The following CXCR2 variants were observed in gnomAD, a reference collection of about 807,000 sequenced individuals.
CXCR2 encodes the protein C-X-C motif chemokine receptor 2.
A neutral mutation model predicts 3.7 loss-of-function variants in CXCR2; 2 were observed. The ratio of observed to expected loss-of-function variants is 0.55; its 90% CI spans 0.22 to 1.72. The LOEUF (loss-of-function observed/expected upper bound fraction) is 1.72. Ranked by LOEUF, CXCR2 falls within the 40% of genes most tolerant of loss-of-function variation. The probability of loss-of-function intolerance (pLI) is 0.19; values close to 1 mark genes in which losing one functional copy is unlikely to be tolerated. For missense variants in CXCR2, 351 were observed against 450.1 expected (o/e 0.78, Z 1.99); for synonymous variants, 203 against 193.3 (o/e 1.05, Z -0.41).
intron 1 of CXCR2, among the ~76,000 whole-genome samples, chr2:218,127,975 A>G (rs1690549406): frequency 6.6e-6 from 1 of 152,250 alleles, no homozygotes; most frequent in Admixed American, 6.5e-5. Context: ...GAGAGGCAGC[A>G]TGTTATCAGT....
chr2:218,135,165 G>A lies in CXCR2; in HGVS notation c.364G>A (p.Val122Ile), dbSNP rs754536917. ...TTTTGGCACATTCCTGTGCAAGGTG[G>A]TCTCACTCCTGAAGGAAGTCAACTT... ...WIFGTFLCKV[V>I]SLLKEVNFYS... is the part of the protein sequence containing the mutation. The change falls in exon 3 of 3, where the codon GTC becomes ATC. Residue 122 changes from valine (V) to isoleucine (I), a missense_variant. Transcript: ENST00000318507. This position sits in a 1 kb window ranked among gnomAD's most constrained non-coding sequence, Gnocchi z 4.0. 2.2e-5 allele frequency: 35 copies of A among 1,614,090 alleles called. No homozygotes were observed. Among genetic ancestry groups the A allele is most frequent in the Non-Finnish European group, 2.6e-5 (31 of 1,180,040 alleles).
At chr2:218,131,720 C>T (rs2106103709) in intron 2 of CXCR2, among the ~76,000 whole-genome samples, 1 of 151,462 alleles carries the variant, frequency 6.6e-6, no homozygotes, top group African/African-American at 2.4e-5. Context: ...CCGCCCATCT[C>T]GGCCTCCCAA....
intron 2 of CXCR2, among the ~76,000 whole-genome samples, chr2:218,134,196 G>A (rs1690723423): frequency 6.6e-6 from 1 of 152,214 alleles, no homozygotes; most frequent in African/African-American, 2.4e-5. Context: ...GATCTTTTCT[G>A]AGGGTATAGC....
At chr2:218,133,393 G>A (rs1285312162) in intron 2 of CXCR2, among the ~76,000 whole-genome samples, 1 of 147,466 alleles carries the variant, frequency 6.8e-6, no homozygotes, top group Non-Finnish European at 1.5e-5. Context: ...TCCACCTCCT[G>A]GGTTCAAGCA....
chr2:218,134,916 T>C lies in CXCR2; in HGVS notation c.115T>C (p.Cys39Arg). 1.9e-6 allele frequency: 3 copies of C among 1,614,162 alleles called. No homozygotes were observed. Among genetic ancestry groups the C allele is most frequent in the Non-Finnish European group, 2.5e-6 (3 of 1,180,032 alleles). ...LPPFLLDAAP[C>R]EPESLEINKY... ...CCCTTTTCTACTAGATGCCGCCCCA[T>C]GTGAACCAGAATCCCTGGAAATCAA... is the stretch of plus-strand genomic sequence containing the variant. The change falls in exon 3 of 3, where the codon TGT becomes CGT. Residue 39 changes from cysteine (C) to arginine (R), a missense_variant. Cys to Arg is a radical substitution (Grantham distance 180). Transcript: ENST00000318507.
Position 218,135,642 on chromosome 2 carries a change from G to A in CXCR2, c.841G>A (p.Val281Met). 1 of 1,614,084 alleles carries A rather than the reference G, an allele frequency of 6.2e-7. No homozygotes were observed. ...LLADTLMRTQ[V>M]IQETCERRNH... ...GGCAGACACCCTCATGAGGACCCAG[G>A]TGATCCAGGAGACCTGTGAGCGCCG... Residue 281 changes from valine to methionine, a missense_variant, in exon 3 of 3, where the codon GTG (valine) becomes ATG (methionine). Val to Met is a conservative substitution (Grantham distance 21). Transcript: ENST00000318507. This position sits in a 1 kb window ranked among gnomAD's most constrained non-coding sequence, Gnocchi z 4.0.
In CXCR2 at chr2:218,126,273, T is replaced by C. The variant is rs915993663; in HGVS notation, c.-158T>C. ...TTCATCGTCAAGGTTGTTTCATCTT[T>C]TTTTTCCTGTCTAACAGCTCTGACT... On this transcript the variant is annotated 5_prime_UTR_variant, in exon 1 of 3. Coordinates refer to ENST00000318507, the MANE Select transcript of CXCR2 (RefSeq NM_001557.4). 7 of 152,406 alleles carry C rather than the reference T, an allele frequency of 4.6e-5. No homozygotes were observed. Among genetic ancestry groups the C allele is most frequent in the African/African-American group, 1.4e-4 (6 of 41,440 alleles). 9.4% of individuals were successfully genotyped at this position (152,406 alleles called of 1,614,324 possible).
Position 218,135,051 on chromosome 2 carries a change from G to A in CXCR2, c.250G>A (p.Asp84Asn), listed in dbSNP as rs1403964888. ...CAGCAGGGTCGGCCGCTCCGTCACT[G>A]ATGTCTACCTGCTGAACCTAGCCTT... The part of the protein sequence containing the change: ...LYSRVGRSVT[D>N]VYLLNLALAD... The change falls in exon 3 of 3, where the codon GAT becomes AAT. Residue 84 changes from aspartate to asparagine, a missense_variant. Coordinates refer to ENST00000318507, the MANE Select transcript of CXCR2 (RefSeq NM_001557.4). This position sits in a 1 kb window ranked among gnomAD's most constrained non-coding sequence, Gnocchi z 4.0. 1 of 1,614,222 alleles carries A rather than the reference G, an allele frequency of 6.2e-7. No homozygotes were observed. Among genetic ancestry groups the A allele is most frequent in the South Asian group, 1.1e-5 (1 of 91,082 alleles).
chr2:218,134,019 A>G (rs1298485915), intron 2 of CXCR2, among the ~76,000 whole-genome samples: 1 of 152,248 alleles, frequency 6.6e-6, no homozygotes, highest in African/African-American at 2.4e-5. Context: ...CCTTCTACCC[A>G]AAAGAGAAAC....
rs1254815707 is a variant in CXCR2 at position 218,136,865 on chromosome 2, A to C, written c.*981A>C. ...AGATAAATAGTTTATGATTCCACCT[A>C]CATGAGGTACTGAGAGTGAACAAAT... On this transcript the variant is annotated 3_prime_UTR_variant, in exon 3 of 3. Coordinates refer to ENST00000318507, the MANE Select transcript of CXCR2 (RefSeq NM_001557.4). The C allele has an allele frequency of 6.0e-6, 1 of 167,236 alleles. No homozygotes were observed. Among genetic ancestry groups the C allele is most frequent in the Non-Finnish European group, 1.5e-5 (1 of 68,136 alleles). 10.4% of individuals were successfully genotyped at this position (167,236 alleles called of 1,614,324 possible).
chr2:218,135,027 A>G lies in CXCR2; in HGVS notation c.226A>G (p.Ser76Gly). ...NSLVMLVILY[S>G]RVGRSVTDVY... ...CCTCGTGATGCTGGTCATCTTATAC[A>G]GCAGGGTCGGCCGCTCCGTCACTGA... Residue 76 changes from serine to glycine, a missense_variant, in exon 3 of 3, where the codon AGC (serine) becomes GGC (glycine). Ser to Gly is a moderately conservative substitution (Grantham distance 56, BLOSUM62 0). Coordinates refer to ENST00000318507, the MANE Select transcript of CXCR2 (RefSeq NM_001557.4). This position sits in a 1 kb window ranked among gnomAD's most constrained non-coding sequence, Gnocchi z 4.0. The G allele has an allele frequency of 6.2e-7, 1 of 1,614,198 alleles. No homozygotes were observed. The highest frequency in any genetic ancestry group is 8.5e-7 in the Non-Finnish European group (1 of 1,180,036).
intron 2 of CXCR2, among the ~76,000 whole-genome samples, chr2:218,131,315 G>A (rs766715881): frequency 1.3e-5 from 2 of 152,118 alleles, no homozygotes; most frequent in Non-Finnish European, 2.9e-5. Context: ...TGGGACTGAG[G>A]AGCTGGTGAC....
intron 2 of CXCR2, among the ~76,000 whole-genome samples, chr2:218,133,399 A>C (rs1163241880): frequency 6.8e-6 from 1 of 147,690 alleles, no homozygotes; most frequent in Admixed American, 7.0e-5. Context: ...TCCTGGGTTC[A>C]AGCAATTCTT....
chr2:218,126,555 C>T (rs1262188001), intron 1 of CXCR2, among the ~76,000 whole-genome samples: 1 of 152,204 alleles, frequency 6.6e-6, no homozygotes, highest in Non-Finnish European at 1.5e-5. Context: ...CCTGCCCTGC[C>T]CAGTATGGTA....
intron 2 of CXCR2, among the ~76,000 whole-genome samples, chr2:218,133,000 G>A (rs1690687037): frequency 6.6e-6 from 1 of 152,210 alleles, no homozygotes; most frequent in South Asian, 2.1e-4. Flanking sequence ...CACCTGCAAT[G>A]TGGGAGAGTT....
rs1247559357 is a variant in CXCR2 at position 218,135,428 on chromosome 2, G to A, written c.627G>A (p.Met209Ile). The change falls in exon 3 of 3, where the codon ATG (methionine) becomes ATA (isoleucine). Residue 209 changes from methionine (M) to isoleucine (I), a missense_variant. By Grantham distance (10) the Met-to-Ile change is conservative. Transcript: ENST00000318507. This position sits in a 1 kb window ranked among gnomAD's most constrained non-coding sequence, Gnocchi z 4.0. ...DMGNNTANWR[M>I]LLRILPQSFG... ...GCAACAATACAGCAAACTGGCGGAT[G>A]CTGTTACGGATCCTGCCCCAGTCCT... is the stretch of plus-strand genomic sequence containing the variant. 1 of 1,614,238 alleles carries A rather than the reference G, an allele frequency of 6.2e-7. No homozygotes were observed.
rs373547007 is a variant in CXCR2, at chr2:218,135,552, C to T, written c.751C>T (p.Arg251Trp). Residue 251 changes from arginine (R) to tryptophan (W), a missense_variant, in exon 3 of 3, where the codon CGG becomes TGG. Physicochemically the swap from Arg to Trp is moderately radical, Grantham distance 101 (BLOSUM62 -3). Transcript: ENST00000318507. The surrounding 1 kb of genome is among the most constrained non-coding windows in gnomAD (Gnocchi z 4.0). Reference sequence around the variant, plus strand: ...CATGGGGCAGAAGCACCGGGCCATGCGGGTCATCTTTGCTGTCGTCCTCAT... The same window carrying T: ...CATGGGGCAGAAGCACCGGGCCATGTGGGTCATCTTTGCTGTCGTCCTCAT... ...AHMGQKHRAM[R>W]VIFAVVLIFL... 21 of 1,614,188 alleles carry T rather than the reference C, an allele frequency of 1.3e-5. No homozygotes were observed. The highest frequency in any genetic ancestry group is 2.7e-5 in the African/African-American group (2 of 75,046).
chr2:218,131,106 A>G (rs1164999877), intron 2 of CXCR2: 1 of 152,272 alleles, frequency 6.6e-6, no homozygotes. Flanking sequence ...ATATTCATAC[A>G]TACAAGGCCC....
chr2:218,129,087 T>A (rs573599069), intron 1 of CXCR2, among the ~76,000 whole-genome samples: 121 of 152,212 alleles, frequency 7.9e-4, no homozygotes, highest in Non-Finnish European at 1.0e-4. Context: ...AGTTTCCCCA[T>A]CTGTAAAATG....
Sources: gnomAD v4.1 joint callset for allele counts (sites outside exome capture counted in the v4.1 genomes callset) on GRCh38, gnomAD v4.1.1 for gene constraint, Gnocchi (gnomAD v3.1) non-coding constraint, MANE v1.5 for transcripts, NCBI Gene and HGNC (gene_info 2026-07-23, HGNC 2026-07-21) for gene names.